Variants in GPHN observed in about 807,000 individuals in gnomAD.
GPHN encodes gephyrin.
A neutral mutation model predicts 95.5 loss-of-function variants in GPHN; 17 were observed. The observed-to-expected ratio is 0.18, with a 90% CI of 0.12 to 0.27. The LOEUF (loss-of-function observed/expected upper bound fraction) is 0.27. GPHN is among the 10% of genes least tolerant of loss of function. The pLI is 1.00. For synonymous variants in GPHN, 320 were observed against 322.5 expected, an observed-to-expected ratio of 0.99 and a Z score of 0.08; for missense variants, 660 against 978.1, an observed-to-expected ratio of 0.67 and a Z score of 4.34.
chr14:67,157,917 T>C (rs1044036056), intron 18 of GPHN, among the ~76,000 whole-genome samples: 2 of 151,786 alleles, frequency 1.3e-5, no homozygotes, highest in South Asian at 2.1e-4. Context: ...CTTGCTAGAA[T>C]GTAGACGGAG....
chr14:67,453,724 A>G, the GPHN span, among the ~76,000 whole-genome samples: 1 of 152,148 alleles, frequency 6.6e-6, no homozygotes, highest in African/African-American at 2.4e-5. Flanking sequence ...ATGTAGGGCC[A>G]CCATCTGCTG....
chr14:67,690,985 T>A, the GPHN span: 2 of 641,670 alleles, frequency 3.1e-6, no homozygotes, highest in Non-Finnish European at 5.6e-6. Flanking sequence ...CCTCAGGTAT[T>A]CCTCAGCTAT....
chr14:67,381,514 C>A, the GPHN span: 1 of 1,081,634 alleles, frequency 9.2e-7, no homozygotes, highest in Non-Finnish European at 1.4e-6. Flanking sequence ...ACTAATATAT[C>A]TGCCACGTGT....
the GPHN span, among the ~76,000 whole-genome samples, chr14:67,487,904 G>A: frequency 2.0e-5 from 3 of 152,118 alleles, no homozygotes; most frequent in South Asian, 2.1e-4. Context: ...GATTATAGGC[G>A]TGAGCCACTG....
At chr14:66,647,724 T>G (rs1457475234) in intron 1 of GPHN, among the ~76,000 whole-genome samples, 7 of 152,116 alleles carry the variant, frequency 4.6e-5, no homozygotes, top group Non-Finnish European at 1.0e-4. Context: ...TGTACAGTAC[T>G]CACCTGGTTT....
At position 66,797,021 on chromosome 14, in the gene GPHN, C is replaced by CTTTTTTTTTT. The variant is rs369681377; in HGVS notation, c.201+20512_201+20521dup. Among the ~76,000 whole-genome samples the CTTTTTTTTTT allele has an allele frequency of 5.9e-3, 476 of 81,180 alleles. 15 individuals carry two copies. Among genetic ancestry groups the CTTTTTTTTTT allele is most frequent in the Non-Finnish European group, 9.5e-3 (367 of 38,488 alleles). 53.3% of individuals were successfully genotyped at this position (81,180 alleles called of 152,430 possible). On this transcript the variant is annotated intron_variant, in intron 3 of 22. Coordinates refer to ENST00000478722, the MANE Select transcript of GPHN (RefSeq NM_020806.5). The stretch of plus-strand genomic sequence containing the variant: ...ATGGTGAGACATAGGTATCTAGTTC[C>CTTTTTTTTTT]TTTTTTTTTTTTTTTTTTTTTGCAT...
At chr14:67,234,989 C>T in the GPHN span, among the ~76,000 whole-genome samples, 1 of 151,780 alleles carries the variant, frequency 6.6e-6, no homozygotes, top group Admixed American at 6.6e-5. Context: ...AACCCTGCCT[C>T]TACTAAAAGT....
chr14:67,188,408 T>A, the GPHN span, among the ~76,000 whole-genome samples: 1 of 152,214 alleles, frequency 6.6e-6, no homozygotes, highest in Non-Finnish European at 1.5e-5. Context: ...ATACCAAAGT[T>A]TAATCAAGGT....
At chr14:67,128,545 T>C (rs2079483645) in intron 17 of GPHN, among the ~76,000 whole-genome samples, 1 of 152,200 alleles carries the variant, frequency 6.6e-6, no homozygotes, top group Non-Finnish European at 1.5e-5. Flanking sequence ...ATATGGTATA[T>C]GCATGGGAAG....
At chr14:66,785,720 A>C (rs1030795310) in intron 3 of GPHN, among the ~76,000 whole-genome samples, 5 of 151,234 alleles carry the variant, frequency 3.3e-5, no homozygotes, top group African/African-American at 1.2e-4. Context: ...CCAAAAAAAA[A>C]CCAAAAAACA....
At chr14:66,982,492 T>G (rs2070741939) in intron 9 of GPHN, among the ~76,000 whole-genome samples, 1 of 152,162 alleles carries the variant, frequency 6.6e-6, no homozygotes, top group Admixed American at 6.5e-5. Flanking sequence ...GGTAATACAG[T>G]GCAACATTTT....
the GPHN span, among the ~76,000 whole-genome samples, chr14:67,386,730 G>A: frequency 4.8e-3 from 727 of 152,112 alleles, 5 homozygotes; most frequent in African/African-American, 0.017. Context: ...TGTATTTTTC[G>A]TATACGTGAT....
chr14:67,172,271 A>G (rs544593527), intron 21 of GPHN, among the ~76,000 whole-genome samples: 1 of 152,214 alleles, frequency 6.6e-6, no homozygotes, highest in African/African-American at 2.4e-5. Flanking sequence ...CATCCCCCTC[A>G]GCCAGAGCTA....
chr14:67,041,770 C>G (rs1358752851), intron 10 of GPHN, among the ~76,000 whole-genome samples: 3 of 152,144 alleles, frequency 2.0e-5, no homozygotes, highest in Admixed American at 2.0e-4. Context: ...ATTTCTAATT[C>G]TAGATCTTTG....
chr14:66,749,084 G>A (rs1595774505), intron 2 of GPHN, among the ~76,000 whole-genome samples: 1 of 151,852 alleles, frequency 6.6e-6, no homozygotes, highest in Non-Finnish European at 1.5e-5. Flanking sequence ...TTTCCAAAAT[G>A]TCATATAGTT....
chr14:66,863,672 A>G (rs1418070651), intron 4 of GPHN, among the ~76,000 whole-genome samples: 1 of 152,186 alleles, frequency 6.6e-6, no homozygotes, highest in Non-Finnish European at 1.5e-5. Context: ...TTATACACCT[A>G]CAGTGAACTC....
chr14:67,581,064 G>A, the GPHN span: 9 of 1,464,580 alleles, frequency 6.1e-6, no homozygotes, highest in Non-Finnish European at 8.6e-6. Flanking sequence ...CGAGGGTGGG[G>A]CCAAACACAA....
rs184780594 is a variant in GPHN at position 66,596,734 on chromosome 14, C to T, written c.65-84373C>T. On this transcript the variant is annotated intron_variant, in intron 1 of 22. Coordinates refer to ENST00000478722, the MANE Select transcript of GPHN (RefSeq NM_020806.5). ...TGTGGGTCAGCAGGGCTTCCTGGGTCCCCAAGAGTGTAGAGATGCCCGGGT... is the reference window on the plus strand; with the variant it reads ...TGTGGGTCAGCAGGGCTTCCTGGGTTCCCAAGAGTGTAGAGATGCCCGGGT... Among the ~76,000 whole-genome samples, 397 of 152,284 alleles carry T rather than the reference C, an allele frequency of 2.6e-3. 3 individuals carry two copies. The highest frequency in any genetic ancestry group is 3.4e-3 in the Middle Eastern group (1 of 292).
chr14:67,417,433 A>G, the GPHN span, among the ~76,000 whole-genome samples: 1 of 152,118 alleles, frequency 6.6e-6, no homozygotes, highest in African/African-American at 2.4e-5. Flanking sequence ...AGTTATGGAT[A>G]TAATATTTTT....
Sources: gnomAD v4.1 joint callset for allele counts (sites outside exome capture counted in the v4.1 genomes callset) on GRCh38, gnomAD v4.1.1 for gene constraint, MANE v1.5 for transcripts, NCBI Gene and HGNC (gene_info 2026-07-23, HGNC 2026-07-21) for gene names.